Variants in ARL8B observed in about 807,000 individuals in gnomAD.
ARL8B encodes the protein ADP-ribosylation factor-like protein 8B.
In ARL8B, 9 loss-of-function variants were observed where a neutral mutation model predicts 30.6. The ratio of observed to expected loss-of-function variants is 0.29; its 90% confidence interval spans 0.18 to 0.51. ARL8B has a LOEUF of 0.51. Ranked by LOEUF, ARL8B falls within the 20% of genes least tolerant of loss-of-function variation. The probability of loss-of-function intolerance (pLI) is 0.97; values close to 1 mark genes in which losing one functional copy is unlikely to be tolerated. For synonymous variants in ARL8B, 74 were observed against 76.0 expected (o/e 0.97, Z 0.14); for missense variants, 130 against 227.2 (o/e 0.57, Z 2.75).
intron 1 of ARL8B, among the ~76,000 whole-genome samples, chr3:5,161,555 A>G (rs2054580796): frequency 6.6e-6 from 1 of 152,268 alleles, no homozygotes; most frequent in African/African-American, 2.4e-5. Context: ...CAAAGCCAGC[A>G]GTAAACACTT....
chr3:5,134,631 T>G (rs1434766214), intron 1 of ARL8B, among the ~76,000 whole-genome samples: 1 of 152,234 alleles, frequency 6.6e-6, no homozygotes, highest in African/African-American at 2.4e-5. Flanking sequence ...TCATTTTTCT[T>G]CTACTCAGAT....
At chr3:5,130,205 G>A (rs976827800) in intron 1 of ARL8B, among the ~76,000 whole-genome samples, 2 of 123,316 alleles carry the variant, frequency 1.6e-5, no homozygotes, top group African/African-American at 3.3e-5. Context: ...TTTTTTTTTT[G>A]TAGAGACTTC....
chr3:5,165,005 A>C (rs191466900), intron 1 of ARL8B, among the ~76,000 whole-genome samples: 1 of 152,274 alleles, frequency 6.6e-6, no homozygotes, highest in Admixed American at 6.5e-5. Context: ...TACATAGGGG[A>C]TATTGTGTCC....
intron 1 of ARL8B, among the ~76,000 whole-genome samples, chr3:5,161,409 A>G (rs759794135): frequency 5.3e-5 from 8 of 152,242 alleles, no homozygotes; most frequent in Admixed American, 2.0e-4. Context: ...GACATCAGAG[A>G]GGCAATGTTT....
intron 1 of ARL8B, among the ~76,000 whole-genome samples, chr3:5,154,449 C>A (rs2054514967): frequency 6.6e-6 from 1 of 151,634 alleles, no homozygotes; most frequent in East Asian, 1.9e-4. Flanking sequence ...ATTCTCATGC[C>A]TCAGCCTCCC....
chr3:5,122,595 G>C lies in ARL8B; in HGVS notation c.123+7G>C, dbSNP rs1323929428. The C allele has an allele frequency of 6.9e-6, 11 of 1,594,810 alleles. No individual in the cohort carries two copies. The highest frequency in any genetic ancestry group is 9.4e-6 in the Non-Finnish European group (11 of 1,167,940). ...CTTCGTCAATGTCATCGCGGTGAGC[G>C]CCCGCCCACTCACTCGCCCGGGGCT... is the stretch of plus-strand genomic sequence containing the variant. On this transcript the variant is annotated splice_region_variant and intron_variant, in intron 1 of 6. Coordinates refer to ENST00000256496, the MANE Select transcript of ARL8B (RefSeq NM_018184.3).
intron 1 of ARL8B, among the ~76,000 whole-genome samples, chr3:5,144,056 C>T (rs2054399005): frequency 1.3e-5 from 2 of 152,162 alleles, no homozygotes; most frequent in African/African-American, 4.8e-5. Flanking sequence ...AAGGGGGATA[C>T]CAAGGAGTGT....
intron 1 of ARL8B, among the ~76,000 whole-genome samples, chr3:5,155,988 C>T (rs966877356): frequency 6.6e-6 from 1 of 151,184 alleles, no homozygotes; most frequent in African/African-American, 2.4e-5. Flanking sequence ...CGGCAACCTC[C>T]GCCTCCTAGG....
In ARL8B at chr3:5,180,651, A is replaced by G. The variant is rs577856764; in HGVS notation, c.*1938A>G. On this transcript the variant is annotated 3_prime_UTR_variant, in exon 7 of 7. Coordinates refer to ENST00000256496, the MANE Select transcript of ARL8B (RefSeq NM_018184.3). ...GAAAACTTTTAACAGTTACTGAACTATGTAAATATGTGAATTTTTTTATTT... is the reference window on the plus strand; with the variant it reads ...GAAAACTTTTAACAGTTACTGAACTGTGTAAATATGTGAATTTTTTTATTT... 2 of 152,808 alleles carry G rather than the reference A, an allele frequency of 1.3e-5. No homozygotes were observed. The highest frequency in any genetic ancestry group is 3.9e-4 in the East Asian group (2 of 5,194). The allele number at this position is 152,808 out of a possible 1,614,324, so 9.5% of individuals were successfully genotyped here.
At chr3:5,136,157 T>C (rs940257191) in intron 1 of ARL8B, among the ~76,000 whole-genome samples, 1 of 151,928 alleles carries the variant, frequency 6.6e-6, no homozygotes, top group Non-Finnish European at 1.5e-5. Flanking sequence ...CAGGCTGGAG[T>C]GTAGTGGCGT....
chr3:5,149,452 G>T (rs1005777857), intron 1 of ARL8B, among the ~76,000 whole-genome samples: 2 of 152,168 alleles, frequency 1.3e-5, no homozygotes, highest in Non-Finnish European at 2.9e-5. Flanking sequence ...TGGACTTGGA[G>T]ACACCATCCC....
At chr3:5,158,615 G>A (rs766329984) in intron 1 of ARL8B, among the ~76,000 whole-genome samples, 3 of 152,018 alleles carry the variant, frequency 2.0e-5, no homozygotes, top group Non-Finnish European at 4.4e-5. Flanking sequence ...CTGTCTCCAG[G>A]GTCCGTTATA....
intron 1 of ARL8B, among the ~76,000 whole-genome samples, chr3:5,157,503 A>G (rs1441891581): frequency 2.6e-5 from 4 of 152,050 alleles, no homozygotes; most frequent in African/African-American, 9.7e-5. Context: ...AAAACCCCCA[A>G]AGCAACACAG....
chr3:5,177,734 G>A (rs1382036061), intron 6 of ARL8B, among the ~76,000 whole-genome samples: 2 of 152,188 alleles, frequency 1.3e-5, no homozygotes, highest in African/African-American at 2.4e-5. Context: ...GATTACAGGT[G>A]TGAGCCACCG....
intron 1 of ARL8B, among the ~76,000 whole-genome samples, chr3:5,144,534 A>G (rs1305759093): frequency 6.6e-6 from 1 of 152,146 alleles, no homozygotes; most frequent in East Asian, 1.9e-4. Context: ...TAGTTCTCTC[A>G]TCAGGGGTTT....
chr3:5,159,242 G>T (rs1304356036), intron 1 of ARL8B, among the ~76,000 whole-genome samples: 23 of 147,384 alleles, frequency 1.6e-4, no homozygotes, highest in African/African-American at 5.6e-4. Context: ...TGAGGCTGCG[G>T]TGAGCCACGA....
At chr3:5,167,693 T>G (rs1277058837) in intron 1 of ARL8B, among the ~76,000 whole-genome samples, 1 of 152,248 alleles carries the variant, frequency 6.6e-6, no homozygotes, top group Non-Finnish European at 1.5e-5. Flanking sequence ...TGGGTTGTTA[T>G]AAGGATTAAA....
At chr3:5,164,346 T>C (rs1575572063) in intron 1 of ARL8B, among the ~76,000 whole-genome samples, 2 of 152,386 alleles carry the variant, frequency 1.3e-5, no homozygotes, top group East Asian at 3.8e-4. Flanking sequence ...GACTGATTTG[T>C]CTTCTGTTTT....
At position 5,143,159 on chromosome 3, in the gene ARL8B, G is replaced by A. The variant is rs529422591; in HGVS notation, c.123+20571G>A. ...GCAGGCATCGAATCTTATAGTCTGG[G>A]GTGCTACCATCTTGGTTACATAGAT... On this transcript the variant is annotated intron_variant, in intron 1 of 6. Coordinates refer to ENST00000256496, the MANE Select transcript of ARL8B (RefSeq NM_018184.3). 1.2e-3 allele frequency among the ~76,000 whole-genome samples: 180 copies of A among 152,278 alleles called. 4 individuals are homozygous for A. The highest frequency in any genetic ancestry group is 4.2e-3 in the African/African-American group (173 of 41,544).
Sources: allele counts gnomAD v4.1 joint callset (sites outside exome capture counted in the v4.1 genomes callset), GRCh38; gene constraint gnomAD v4.1.1; transcripts MANE v1.5; gene names NCBI Gene and HGNC (gene_info 2026-07-23, HGNC 2026-07-21).